Variants in MPPED1 observed in about 807,000 individuals in gnomAD.
MPPED1 encodes the protein metallophosphoesterase domain containing 1, also known as metallophosphoesterase domain-containing protein 1.
Under a neutral mutation model 36.2 loss-of-function variants are expected in MPPED1, and 16 were observed. The observed-to-expected ratio is 0.44, with a 90% CI of 0.30 to 0.67. MPPED1 has a LOEUF of 0.67. Among genes scored for constraint, MPPED1 ranks in the 30% least tolerant of loss-of-function variants. The pLI is 0.10. For synonymous variants in MPPED1, 199 were observed against 191.3 expected, an observed-to-expected ratio of 1.04 and a Z score of -0.33; for missense variants, 307 against 453.4, an observed-to-expected ratio of 0.68 and a Z score of 2.93.
intron 4 of MPPED1, among the ~76,000 whole-genome samples, chr22:43,477,605 C>T (rs141535077): frequency 0.011 from 1,618 of 152,328 alleles, 14 homozygotes; most frequent in Middle Eastern, 0.027. Flanking sequence ...GACCTGGTCT[C>T]ATCTTGCCAC....
intron 3 of MPPED1, among the ~76,000 whole-genome samples, chr22:43,457,337 TG>T (rs998283298): frequency 6.6e-6 from 1 of 152,200 alleles, no homozygotes; most frequent in Non-Finnish European, 1.5e-5. Flanking sequence ...AGCTCTCTTT[TG>T]GCGTCTGGAT....
chr22:43,461,087 G>A (rs1290772476), intron 3 of MPPED1, among the ~76,000 whole-genome samples: 2 of 152,096 alleles, frequency 1.3e-5, no homozygotes, highest in Non-Finnish European at 2.9e-5. Context: ...GTCCTGGCTG[G>A]GTGCAGTGGC....
intron 3 of MPPED1, among the ~76,000 whole-genome samples, chr22:43,446,853 G>A (rs1930364212): frequency 1.3e-5 from 2 of 152,134 alleles, no homozygotes; most frequent in Non-Finnish European, 2.9e-5. Context: ...CCCTGTGCCA[G>A]ACACCAGAGA....
chr22:43,415,502 AATC>A (rs1929049902), intron 1 of MPPED1, among the ~76,000 whole-genome samples: 1 of 141,098 alleles, frequency 7.1e-6, no homozygotes. Context: ...TTCATAAAAA[AATC>A]ATAACAAATT....
chr22:43,487,899 G>A (rs1931962040), intron 4 of MPPED1, among the ~76,000 whole-genome samples: 1 of 152,192 alleles, frequency 6.6e-6, no homozygotes, highest in African/African-American at 2.4e-5. Context: ...ATTTGCTGTG[G>A]GCAGGGCGGT....
At chr22:43,488,761 C>G (rs1369674808) in intron 4 of MPPED1, among the ~76,000 whole-genome samples, 1 of 152,252 alleles carries the variant, frequency 6.6e-6, no homozygotes, top group Non-Finnish European at 1.5e-5. Context: ...CCAATGGTTA[C>G]TTTAGAACAG....
At chr22:43,449,410 C>T (rs1424929881) in intron 3 of MPPED1, among the ~76,000 whole-genome samples, 1 of 148,644 alleles carries the variant, frequency 6.7e-6, no homozygotes, top group African/African-American at 2.4e-5. Flanking sequence ...TTCAGCACCA[C>T]GGACAGTGCC....
At chr22:43,432,281 A>AGAAAGGGAGGAGAGAGAGG (rs1362499307) in intron 2 of MPPED1, among the ~76,000 whole-genome samples, 7 of 148,972 alleles carry the variant, frequency 4.7e-5, no homozygotes, top group African/African-American at 1.7e-4. Flanking sequence ...GGAGAGAGAG[A>AGAAAGGGAGGAGAGAGAGG]GAAAGGGAGG....
intron 4 of MPPED1, among the ~76,000 whole-genome samples, chr22:43,495,636 T>A (rs1252111470): frequency 1.1e-5 from 1 of 88,716 alleles, no homozygotes; most frequent in Non-Finnish European, 2.5e-5. Context: ...ATGGTGGTGG[T>A]GGAGGTGATG....
intron 3 of MPPED1, among the ~76,000 whole-genome samples, chr22:43,461,185 G>A (rs1035330307): frequency 4.3e-4 from 66 of 152,238 alleles, no homozygotes; most frequent in African/African-American, 1.5e-3. Flanking sequence ...GCAATATAGC[G>A]AAACCTCATC....
At chr22:43,503,276 G>A (rs555402034) in intron 6 of MPPED1, among the ~76,000 whole-genome samples, 4 of 152,320 alleles carry the variant, frequency 2.6e-5, no homozygotes, top group African/African-American at 7.2e-5. Context: ...CTGTTGCTGC[G>A]TGCAGGCGTT....
At chr22:43,452,162 C>T (rs553589373) in intron 3 of MPPED1, among the ~76,000 whole-genome samples, 13 of 152,060 alleles carry the variant, frequency 8.5e-5, no homozygotes, top group African/African-American at 1.9e-4. Context: ...GGATTACAGG[C>T]GTGAGCCATC....
At chr22:43,433,463 T>G (rs1345597965) in intron 2 of MPPED1, among the ~76,000 whole-genome samples, 1 of 151,426 alleles carries the variant, frequency 6.6e-6, no homozygotes, top group Non-Finnish European at 1.5e-5. Flanking sequence ...AGTGAATGAG[T>G]GAATGGAGGA....
intron 3 of MPPED1, among the ~76,000 whole-genome samples, chr22:43,448,578 TTTTATTTA>T (rs135048): frequency 0.38 from 55,454 of 147,040 alleles, 12,913 homozygotes; most frequent in Non-Finnish European, 0.52. Flanking sequence ...TTTAAAATCT[TTTTATTTA>T]TTTATTTATT....
chr22:43,420,248 G>A (rs1270597029), intron 1 of MPPED1, among the ~76,000 whole-genome samples: 2 of 152,112 alleles, frequency 1.3e-5, no homozygotes, highest in Non-Finnish European at 2.9e-5. Flanking sequence ...TGTCCTCCAT[G>A]GCAGAAGCAT....
At chr22:43,464,973 C>T (rs1484859349) in intron 3 of MPPED1, among the ~76,000 whole-genome samples, 1 of 152,244 alleles carries the variant, frequency 6.6e-6, no homozygotes, top group Non-Finnish European at 1.5e-5. Context: ...TTCCCACCAT[C>T]TGACCCTGTT....
chr22:43,486,983 C>T (rs1009277882), intron 4 of MPPED1, among the ~76,000 whole-genome samples: 7 of 152,124 alleles, frequency 4.6e-5, no homozygotes, highest in Admixed American at 1.3e-4. Context: ...CTGTCAGGGA[C>T]TCTGAGGTGA....
intron 2 of MPPED1, among the ~76,000 whole-genome samples, chr22:43,431,719 C>CACT (rs1929693933): frequency 6.6e-6 from 1 of 152,224 alleles, no homozygotes; most frequent in Non-Finnish European, 1.5e-5. Flanking sequence ...TGAAGAGAGC[C>CACT]ACTGCCTGTA....
At chr22:43,431,327 G>A (rs1057370104) in intron 2 of MPPED1, among the ~76,000 whole-genome samples, 1 of 152,052 alleles carries the variant, frequency 6.6e-6, no homozygotes, top group East Asian at 1.9e-4. Context: ...ACAGGTGTGA[G>A]GCATTGTGCC....
Sources: gnomAD v4.1 joint callset for allele counts (sites outside exome capture counted in the v4.1 genomes callset) on GRCh38, gnomAD v4.1.1 for gene constraint, MANE v1.5 for transcripts, NCBI Gene and HGNC (gene_info 2026-07-23, HGNC 2026-07-21) for gene names.